The following ADGRG1 variants were observed in gnomAD, a reference collection of about 807,000 sequenced individuals.
The protein encoded by ADGRG1 is adhesion G protein-coupled receptor G1.
ADGRG1 carries 53 observed loss-of-function variants against 73.5 expected under a neutral mutation model. The observed-to-expected ratio is 0.72, with a 90% CI of 0.58 to 0.91. The LOEUF is 0.91. Ranked by LOEUF, ADGRG1 falls within the 40% of genes least tolerant of loss-of-function variation. ADGRG1 has a pLI of 0.00. For missense variants in ADGRG1, 795 were observed against 871.8 expected (o/e 0.91, Z 1.11); for synonymous variants, 394 against 374.4 (o/e 1.05, Z -0.60).
intron 1 of ADGRG1, among the ~76,000 whole-genome samples, chr16:57,644,588 TCA>T (rs1304765729): frequency 1.7e-4 from 22 of 126,540 alleles, no homozygotes; most frequent in Admixed American, 1.2e-3. Context: ...CACACACTGA[TCA>T]CACACTCATG....
rs1224825855 is a variant in ADGRG1, at chr16:57,652,956, G to A, written c.488-247G>A. 4 of 1,385,404 alleles carry A rather than the reference G, an allele frequency of 2.9e-6. No homozygotes were observed. In the South Asian group the frequency reaches 5.9e-5, roughly 21 times the overall value. 85.8% of individuals were successfully genotyped at this position (1,385,404 alleles called of 1,614,324 possible). A position where few individuals can be genotyped will look rare whatever the true frequency, so the allele number is the denominator to read the frequency against. ...GGTGTCTGCGGAGGGTGCTGAGCAA[G>A]GCACATCCCACCCCATCCCGCTGGG... On this transcript the variant is annotated intron_variant, in intron 3 of 13. Transcript: ENST00000562631.
intron 1 of ADGRG1, chr16:57,630,410 T>G: frequency 1.0e-6 from 1 of 985,564 alleles, no homozygotes; most frequent in Non-Finnish European, 1.2e-6. Context: ...CCCACCTTGG[T>G]CACAGCATCA....
In ADGRG1 at chr16:57,651,139, C is replaced by T. The variant is rs1399640821; in HGVS notation, c.65-61C>T. 12 of 1,610,144 alleles carry T rather than the reference C, an allele frequency of 7.5e-6. No homozygotes were observed. In the Admixed American group the frequency reaches 1.0e-4, roughly 13 times the overall value. ...CATGTACTCAGCCTAGGTCCTGTCC[C>T]CTTCCATGCCTCTGGTCAGCCCCTG... On this transcript the variant is annotated intron_variant, in intron 2 of 13. Coordinates refer to ENST00000562631, the MANE Select transcript of ADGRG1 (RefSeq NM_201525.4).
intron 1 of ADGRG1, among the ~76,000 whole-genome samples, chr16:57,638,221 A>G (rs1160004774): frequency 3.3e-5 from 5 of 152,170 alleles, no homozygotes; most frequent in African/African-American, 1.2e-4. Flanking sequence ...ACTGGTCTTG[A>G]TAGCTTCATG....
upstream of ADGRG1, among the ~76,000 whole-genome samples, chr16:57,623,645 G>C (rs2147000156): frequency 1.3e-5 from 2 of 152,354 alleles, no homozygotes; most frequent in East Asian, 3.9e-4. Context: ...CCCTGACTGG[G>C]GGATGGGCAG....
chr16:57,635,414 G>A (rs2039107534), intron 1 of ADGRG1: 2 of 985,372 alleles, frequency 2.0e-6, no homozygotes, highest in Non-Finnish European at 1.2e-6. Context: ...TGGAGGTGGT[G>A]GGAGCTGGGA....
intron 2 of ADGRG1, chr16:57,621,707 C>T (rs1225329125): frequency 9.2e-6 from 2 of 216,966 alleles, no homozygotes; most frequent in Non-Finnish European, 1.6e-5. Context: ...CGATGCCTCA[C>T]TGCCTGACCA....
In ADGRG1 at chr16:57,656,641, G is replaced by A. The variant is rs763086987; in HGVS notation, c.1167+24G>A. ...TGGTGAGGGTCCCTGCTCCCACCTCGCAGCCACACCCCAGGCCGTGTGCTT... is the reference window on the plus strand; with the variant it reads ...TGGTGAGGGTCCCTGCTCCCACCTCACAGCCACACCCCAGGCCGTGTGCTT... On this transcript the variant is annotated intron_variant, in intron 9 of 13. Coordinates refer to ENST00000562631, the MANE Select transcript of ADGRG1 (RefSeq NM_201525.4). 46 of 1,367,828 alleles carry A rather than the reference G, an allele frequency of 3.4e-5. No individual in the cohort carries two copies. In the East Asian group the frequency reaches 4.1e-4, roughly 12 times the overall value. 84.7% of individuals were successfully genotyped at this position (1,367,828 alleles called of 1,614,324 possible). A position where few individuals can be genotyped will look rare whatever the true frequency, so the allele number is the denominator to read the frequency against.
intron 8 of ADGRG1, 23 bp downstream of exon 8, chr16:57,656,294 G>T: frequency 6.3e-7 from 1 of 1,595,214 alleles, no homozygotes; most frequent in Non-Finnish European, 8.6e-7. Flanking sequence ...GGGTCTCTGG[G>T]CTGGACAAGT....
rs989644868 is a variant in ADGRG1 at position 57,651,387 on chromosome 16, C to T, written c.252C>T (p.Pro84=). Residue 84 remains proline (P), a synonymous_variant, in exon 3 of 14, where the codon CCC becomes CCT. Transcript: ENST00000562631. ...CTGCTTCCCGATCCTTCCCTGACCC[C>T]AGGGGCCTCTACCACTTCTGCCTCT... is the stretch of plus-strand genomic sequence containing the variant. The part of the protein sequence containing the change: ...AHPASRSFPD[P]RGLYHFCLYW... The T allele has an allele frequency of 6.2e-7, 1 of 1,614,228 alleles. No individual in the cohort carries two copies. Among genetic ancestry groups the T allele is most frequent in the Non-Finnish European group, 8.5e-7 (1 of 1,180,034 alleles).
chr16:57,649,291 A>G (rs2043443068), intron 1 of ADGRG1, among the ~76,000 whole-genome samples: 2 of 152,178 alleles, frequency 1.3e-5, no homozygotes, highest in African/African-American at 4.8e-5. Context: ...CCATCCCCAC[A>G]GCCTTTATCC....
intron 4 of ADGRG1, chr16:57,653,765 A>G: frequency 3.1e-6 from 3 of 970,054 alleles, no homozygotes; most frequent in Non-Finnish European, 3.7e-6. Context: ...CCTCTGTCTG[A>G]CCCTACCCCA....
At chr16:57,635,031 G>A (rs1486887816) in intron 1 of ADGRG1, 4 of 985,218 alleles carry the variant, frequency 4.1e-6, no homozygotes, top group Non-Finnish European at 4.8e-6. Context: ...AGGGAGCAGA[G>A]GGGGAGAGGG....
intron 1 of ADGRG1, among the ~76,000 whole-genome samples, chr16:57,644,864 G>GCA (rs1287934829): frequency 7.3e-6 from 1 of 137,060 alleles, no homozygotes; most frequent in South Asian, 2.4e-4. Flanking sequence ...ACACACCCAT[G>GCA]CACACACACA....
rs975485567 is a variant in ADGRG1 at position 57,637,243 on chromosome 16, C to T, written c.-36+8441C>T. The T allele has an allele frequency of 1.3e-4, 115 of 878,348 alleles. 1 individual carries two copies. The highest frequency in any genetic ancestry group is 3.1e-5 in the Non-Finnish European group (23 of 732,324). 54.4% of individuals were successfully genotyped at this position (878,348 alleles called of 1,614,324 possible). On this transcript the variant is annotated intron_variant, in intron 1 of 13. Transcript: ENST00000562631. ...ATGAGCTTCATCATTTCAGTCCCCGCCCCGACCCTGGTCGGGAATGTTGTA... is the reference window on the plus strand; with the variant it reads ...ATGAGCTTCATCATTTCAGTCCCCGTCCCGACCCTGGTCGGGAATGTTGTA...
intron 1 of ADGRG1, chr16:57,629,327 A>G (rs1393486581): frequency 4.9e-6 from 1 of 202,034 alleles, no homozygotes. Context: ...GTTGCTGGAG[A>G]AACTGAGGCT....
intron 1 of ADGRG1, chr16:57,631,336 G>A (rs74962892): frequency 0.078 from 77,241 of 985,614 alleles, 3,225 homozygotes; most frequent in East Asian, 0.15. Flanking sequence ...ACTGGGATGC[G>A]GGTTCCGCCA....
At chr16:57,627,015 C>T (rs998163258), upstream of ADGRG1, 160 of 983,884 alleles carry the variant, frequency 1.6e-4, no homozygotes, top group Non-Finnish European at 1.8e-4. Flanking sequence ...CTGTGCCTCC[C>T]TGCCCCAGGT....
chr16:57,625,980 G>A (rs756080935), upstream of ADGRG1, among the ~76,000 whole-genome samples: 6 of 152,166 alleles, frequency 3.9e-5, no homozygotes, highest in East Asian at 1.9e-4. Context: ...GGGTCTACAC[G>A]CTTAGTTCAG....
Sources: gnomAD v4.1 joint callset for allele counts (sites outside exome capture counted in the v4.1 genomes callset) on GRCh38, gnomAD v4.1.1 for gene constraint, MANE v1.5 for transcripts, NCBI Gene and HGNC (gene_info 2026-07-23, HGNC 2026-07-21) for gene names.